Variants in MBOAT1 observed in about 807,000 individuals in gnomAD.
The protein encoded by MBOAT1 is membrane-bound glycerophospholipid O-acyltransferase 1.
MBOAT1 carries 67 observed loss-of-function variants against 64.4 expected under a neutral mutation model. That is an observed-to-expected ratio of 1.04 (90% CI 0.85 to 1.27). The LOEUF (loss-of-function observed/expected upper bound fraction) is 1.27. Among genes scored for constraint, MBOAT1 ranks in the 50% most tolerant of loss-of-function variants. The pLI is 0.00. For missense variants in MBOAT1, 563 were observed against 604.6 expected (o/e 0.93, Z 0.72); for synonymous variants, 229 against 218.9 (o/e 1.05, Z -0.41).
chr6:20,177,970 G>A (rs960175198), intron 1 of MBOAT1, among the ~76,000 whole-genome samples: 6 of 152,042 alleles, frequency 3.9e-5, no homozygotes, highest in African/African-American at 1.5e-4. Flanking sequence ...CCTCCTGGTA[G>A]AATGGATAAC....
At chr6:20,111,847 CATAT>C (rs374292054) in intron 11 of MBOAT1, among the ~76,000 whole-genome samples, 1 of 76,068 alleles carries the variant, frequency 1.3e-5, no homozygotes, top group African/African-American at 5.0e-5. Flanking sequence ...CATATATATA[CATAT>C]ATATATACAT....
At chr6:20,187,450 G>T (rs1172974469) in intron 1 of MBOAT1, among the ~76,000 whole-genome samples, 2 of 152,272 alleles carry the variant, frequency 1.3e-5, no homozygotes, top group African/African-American at 4.8e-5. Flanking sequence ...TTCATGGGGA[G>T]TGTGCCCCAG....
intron 1 of MBOAT1, among the ~76,000 whole-genome samples, chr6:20,164,795 T>TA (rs1238332759): frequency 2.0e-5 from 3 of 152,196 alleles, no homozygotes; most frequent in Non-Finnish European, 2.9e-5. Context: ...TGGTTCGACT[T>TA]ACGATTTTTC....
At position 20,124,503 on chromosome 6, in the gene MBOAT1, C is replaced by CTT. The variant is rs1760593199; in HGVS notation, c.811_812insAA (p.Trp271Ter). 6.2e-7 allele frequency: 1 copy of CTT among 1,614,082 alleles called. No homozygotes were observed. Among genetic ancestry groups the CTT allele is most frequent in the Admixed American group, 1.7e-5 (1 of 60,012 alleles). ...CGGAAAGCTTGCTTTATGGACAAAC[C>CTT]AGTCATCCACAAGGCAGGTGACAGG... ...TFPVTCLVDDWFVHKASFPAR... is the reference protein window; with the variant it reads ...TFPVTCLVDD The change falls in exon 8 of 13, where the codon TGG (tryptophan) becomes TAAGG (stop). Residue 271 changes from tryptophan (W) to a stop codon, truncating the protein, a stop_gained and frameshift_variant. Coordinates refer to ENST00000324607, the MANE Select transcript of MBOAT1 (RefSeq NM_001080480.3). LOFTEE classifies it high-confidence loss of function.
At chr6:20,164,037 G>A (rs909599039) in intron 1 of MBOAT1, among the ~76,000 whole-genome samples, 3 of 152,000 alleles carry the variant, frequency 2.0e-5, no homozygotes, top group Non-Finnish European at 4.4e-5. Context: ...TCTGAATAAT[G>A]TGTGTGCATA....
chr6:20,187,223 A>C (rs372889019), intron 1 of MBOAT1, among the ~76,000 whole-genome samples: 1 of 152,246 alleles, frequency 6.6e-6, no homozygotes, highest in East Asian at 1.9e-4. Flanking sequence ...TAAAGTAGCA[A>C]GCATGCCATC....
At chr6:20,134,869 C>A (rs1312367444) in intron 4 of MBOAT1, among the ~76,000 whole-genome samples, 1 of 147,442 alleles carries the variant, frequency 6.8e-6, no homozygotes, top group East Asian at 2.0e-4. Flanking sequence ...CAATTCAGAA[C>A]ACATTTATTG....
At chr6:20,194,390 C>G (rs1762894579) in intron 1 of MBOAT1, among the ~76,000 whole-genome samples, 1 of 152,176 alleles carries the variant, frequency 6.6e-6, no homozygotes, top group Non-Finnish European at 1.5e-5. Flanking sequence ...TCTCCTTAGG[C>G]TTCTTTGGCT....
intron 5 of MBOAT1, among the ~76,000 whole-genome samples, chr6:20,129,388 CACTA>C (rs1277568485): frequency 1.1e-4 from 16 of 152,154 alleles, no homozygotes. Context: ...GAAATGTACA[CACTA>C]ACTTAGAGTC....
intron 1 of MBOAT1, among the ~76,000 whole-genome samples, chr6:20,199,872 G>A (rs556127063): frequency 6.6e-6 from 1 of 152,280 alleles, no homozygotes; most frequent in East Asian, 1.9e-4. Context: ...GGAGGCTGAG[G>A]CAGGAGAATC....
intron 1 of MBOAT1, among the ~76,000 whole-genome samples, chr6:20,185,980 A>AGTGGG: frequency 6.6e-6 from 1 of 152,174 alleles, no homozygotes; most frequent in African/African-American, 2.4e-5. Context: ...CTAGGAGTTC[A>AGTGGG]AGACCAGCCT....
At chr6:20,190,195 A>G (rs1043199850) in intron 1 of MBOAT1, among the ~76,000 whole-genome samples, 1 of 152,154 alleles carries the variant, frequency 6.6e-6, no homozygotes, top group South Asian at 2.1e-4. Flanking sequence ...GAGTTCCACT[A>G]TGTTGGCCAG....
chr6:20,127,362 G>A (rs1012509002), intron 6 of MBOAT1, among the ~76,000 whole-genome samples: 2 of 152,146 alleles, frequency 1.3e-5, no homozygotes, highest in Admixed American at 6.5e-5. Context: ...CTAACCAGTC[G>A]CCGGAATTAT....
chr6:20,126,415 G>T, intron 7 of MBOAT1, 102 bp downstream of exon 7: 1 of 994,278 alleles, frequency 1.0e-6, no homozygotes, highest in Non-Finnish European at 1.5e-6. Context: ...AAAGTTATTG[G>T]CCAAGCTTTC....
intron 8 of MBOAT1, among the ~76,000 whole-genome samples, chr6:20,123,900 CA>C (rs58608380): frequency 0.086 from 13,015 of 151,846 alleles, 602 homozygotes; most frequent in South Asian, 0.13. Context: ...ACTAAAAATA[CA>C]AAAAAAATTA....
At chr6:20,177,401 C>T (rs1762373459) in intron 1 of MBOAT1, among the ~76,000 whole-genome samples, 1 of 152,068 alleles carries the variant, frequency 6.6e-6, no homozygotes, top group Admixed American at 6.6e-5. Context: ...ACTTTGTTGT[C>T]CAGGCCAGTC....
intron 1 of MBOAT1, among the ~76,000 whole-genome samples, chr6:20,193,080 A>C (rs2113758758): frequency 7.8e-6 from 1 of 128,764 alleles, no homozygotes; most frequent in East Asian, 2.4e-4. Context: ...ATCTCGGCTC[A>C]CTGCAAGCTC....
At chr6:20,159,184 A>T (rs927870429) in intron 1 of MBOAT1, among the ~76,000 whole-genome samples, 2 of 152,136 alleles carry the variant, frequency 1.3e-5, no homozygotes, top group African/African-American at 4.8e-5. Context: ...GTACTGGTCC[A>T]TGGCCTGTTA....
chr6:20,204,836 C>A (rs1763217626), intron 1 of MBOAT1, among the ~76,000 whole-genome samples: 1 of 152,226 alleles, frequency 6.6e-6, no homozygotes, highest in Non-Finnish European at 1.5e-5. Flanking sequence ...GAGTTCGAGT[C>A]CTGCCTCTGC....
Sources: allele counts gnomAD v4.1 joint callset (sites outside exome capture counted in the v4.1 genomes callset), GRCh38; gene constraint gnomAD v4.1.1; transcripts MANE v1.5; gene names NCBI Gene and HGNC (gene_info 2026-07-23, HGNC 2026-07-21).